Variants in NEK6 observed in about 807,000 individuals in gnomAD.
NEK6 encodes the protein NIMA related kinase 6.
A neutral mutation model predicts 43.5 loss-of-function variants in NEK6; 27 were observed. The observed-to-expected ratio is 0.62, with a 90% CI of 0.46 to 0.86. The LOEUF (loss-of-function observed/expected upper bound fraction) is 0.86, where lower values mean the gene tolerates loss of function less well. NEK6 is among the 40% of genes least tolerant of loss of function. The probability of loss-of-function intolerance (pLI) is 0.00; values close to 1 mark genes in which losing one functional copy is unlikely to be tolerated. For synonymous variants in NEK6, 167 were observed against 164.1 expected, an observed-to-expected ratio of 1.02 and a Z score of -0.14; for missense variants, 318 against 414.4, an observed-to-expected ratio of 0.77 and a Z score of 2.02.
At chr9:124,347,569 G>A (rs1032196492) in intron 8 of NEK6, 140 bp from the exon 9 acceptor site, 9 of 535,906 alleles carry the variant, frequency 1.7e-5, no homozygotes, top group South Asian at 6.5e-5. Context: ...TCGGTGATTC[G>A]GGGGAGAAGT....
rs182626346 is a variant in NEK6 at position 124,314,756 on chromosome 9, C to T, written c.294+771C>T. ...AATCTCTGCTCACTGCAATCCCCAC[C>T]TTCTCGGTTCAAGCAGTTCTCCTGT... On this transcript the variant is annotated intron_variant, in intron 4 of 9. Transcript: ENST00000320246. 2.8e-3 allele frequency among the ~76,000 whole-genome samples: 432 copies of T among 152,266 alleles called. 4 individuals are homozygous for T. Among genetic ancestry groups the T allele is most frequent in the African/African-American group, 9.7e-3 (403 of 41,554 alleles).
At chr9:124,261,561 T>C (rs1270447748) in intron 1 of NEK6, 2 of 985,460 alleles carry the variant, frequency 2.0e-6, no homozygotes, top group Non-Finnish European at 2.4e-6. Context: ...GTCCTAAATA[T>C]CTGACAGCGA....
intron 8 of NEK6, among the ~76,000 whole-genome samples, chr9:124,342,814 C>T (rs537097316): frequency 2.6e-5 from 4 of 152,362 alleles, no homozygotes; most frequent in South Asian, 4.1e-4. Context: ...CATGGGCTCT[C>T]CACACATAAA....
chr9:124,316,247 C>T (rs1833813419), intron 4 of NEK6, among the ~76,000 whole-genome samples: 1 of 152,216 alleles, frequency 6.6e-6, no homozygotes, highest in African/African-American at 2.4e-5. Flanking sequence ...GTGGGGTCGG[C>T]AGCTGCCAAG....
chr9:124,311,710 G>A (rs1424395467), intron 2 of NEK6, among the ~76,000 whole-genome samples: 1 of 152,156 alleles, frequency 6.6e-6, no homozygotes, highest in Non-Finnish European at 1.5e-5. Flanking sequence ...TTTTTTGAGA[G>A]GGGGACAGAG....
chr9:124,335,380 A>G (rs545255666), intron 7 of NEK6, among the ~76,000 whole-genome samples: 4 of 152,302 alleles, frequency 2.6e-5, no homozygotes, highest in African/African-American at 9.6e-5. Flanking sequence ...AGTAGCGGTT[A>G]GCCCCTGGCT....
At position 124,341,661 on chromosome 9, in the gene NEK6, T is replaced by G. The variant is rs372256965; in HGVS notation, c.717+1996T>G. On this transcript the variant is annotated intron_variant, in intron 8 of 9. Transcript: ENST00000320246. ...AGGTGAAAGGGGGACGAGCCATTTG[T>G]CCTCCCTGCCTCCCTGTCTCTCCAC... Among the ~76,000 whole-genome samples the G allele has an allele frequency of 4.8e-4, 73 of 152,076 alleles. No individual in the cohort carries two copies. The South Asian group carries it at 9.6e-3, about 20-fold the overall frequency.
At chr9:124,313,018 C>T (rs1448758063) in intron 3 of NEK6, among the ~76,000 whole-genome samples, 1 of 152,180 alleles carries the variant, frequency 6.6e-6, no homozygotes, top group Non-Finnish European at 1.5e-5. Flanking sequence ...CATGTCCACC[C>T]ATCCTTGCGC....
rs760263275 is a variant in NEK6, at chr9:124,281,695, T to TA, written c.-29-20240dup. Among the ~76,000 whole-genome samples, 75 of 151,924 alleles carry TA rather than the reference T, an allele frequency of 4.9e-4. No individual in the cohort carries two copies. In the Middle Eastern group the frequency reaches 0.031, roughly 62 times the overall value. On this transcript the variant is annotated intron_variant, in intron 1 of 9. Coordinates refer to ENST00000320246, the MANE Select transcript of NEK6 (RefSeq NM_014397.6). ...TTGTATTTTAGTAGAGACAGGGTTT[T>TA]ACCATGCTAGCCAGGCTGATCTCGA...
intron 7 of NEK6, among the ~76,000 whole-genome samples, chr9:124,329,988 C>A (rs919730242): frequency 2.6e-5 from 4 of 152,222 alleles, no homozygotes; most frequent in African/African-American, 9.6e-5. Flanking sequence ...AGCCACGTTG[C>A]CCCAGCAACC....
intron 1 of NEK6, among the ~76,000 whole-genome samples, chr9:124,282,145 G>C (rs552275225): frequency 7.2e-4 from 110 of 152,326 alleles, no homozygotes; most frequent in South Asian, 2.9e-3. Context: ...GAGAATCCTG[G>C]AGGCGTGATG....
chr9:124,270,953 G>A (rs535699733), intron 1 of NEK6, among the ~76,000 whole-genome samples: 1 of 152,228 alleles, frequency 6.6e-6, no homozygotes, highest in Non-Finnish European at 1.5e-5. Flanking sequence ...TGATGGGAGG[G>A]GCCATAGCAC....
intron 4 of NEK6, 26 bp from the exon 5 acceptor site, chr9:124,321,429 GCCCC>G: frequency 7.5e-6 from 11 of 1,462,212 alleles, no homozygotes; most frequent in Non-Finnish European, 1.1e-5. Context: ...TTCACTTGGT[GCCCC>G]CTTCCCTCTT....
intron 1 of NEK6, among the ~76,000 whole-genome samples, chr9:124,266,839 C>G (rs1831249401): frequency 6.6e-6 from 1 of 152,214 alleles, no homozygotes; most frequent in South Asian, 2.1e-4. Flanking sequence ...CTGTGCAGGG[C>G]TGTATTGAGC....
chr9:124,273,906 A>G (rs767944743), intron 1 of NEK6, among the ~76,000 whole-genome samples: 1 of 152,206 alleles, frequency 6.6e-6, no homozygotes, highest in Non-Finnish European at 1.5e-5. Flanking sequence ...TAAGGCCCCA[A>G]CGGAGGGTGA....
intron 2 of NEK6, among the ~76,000 whole-genome samples, chr9:124,310,986 T>G (rs530246015): frequency 6.6e-6 from 1 of 152,330 alleles, no homozygotes; most frequent in South Asian, 2.1e-4. Context: ...GATCACCACA[T>G]AACCAGGTTC....
intron 1 of NEK6, chr9:124,292,557 A>G: frequency 6.5e-7 from 1 of 1,536,800 alleles, no homozygotes. Context: ...TTTTACAAAC[A>G]CCGAAGCCCT....
chr9:124,352,663 G>GT lies in NEK6; in HGVS notation c.*1717dup, dbSNP rs1341948398. On this transcript the variant is annotated 3_prime_UTR_variant, in exon 10 of 10. Coordinates refer to ENST00000320246, the MANE Select transcript of NEK6 (RefSeq NM_014397.6). ...TCTCCCCAGCCTGCCCCTGGCAGCT[G>GT]TAACACAGGAGCTGGCCTGAGAGCA... The GT allele has an allele frequency of 6.6e-6, 1 of 152,200 alleles. No individual in the cohort carries two copies. Among genetic ancestry groups the GT allele is most frequent in the Non-Finnish European group, 1.5e-5 (1 of 68,034 alleles). The allele number at this position is 152,200 out of a possible 1,614,324, so 9.4% of individuals were successfully genotyped here. A position where few individuals can be genotyped will look rare whatever the true frequency, so the allele number is the denominator to read the frequency against.
At chr9:124,298,767 C>A (rs1345654029) in intron 1 of NEK6, among the ~76,000 whole-genome samples, 1 of 152,212 alleles carries the variant, frequency 6.6e-6, no homozygotes, top group Non-Finnish European at 1.5e-5. Context: ...CCTCTTCGTG[C>A]CTCAGTTTTC....
Sources: allele counts gnomAD v4.1 joint callset (sites outside exome capture counted in the v4.1 genomes callset), GRCh38; gene constraint gnomAD v4.1.1; transcripts MANE v1.5; gene names NCBI Gene and HGNC (gene_info 2026-07-23, HGNC 2026-07-21).